ATL1: variants seen among roughly 807,000 people sequenced by gnomAD.
ATL1 encodes the protein atlastin GTPase 1.
Under a neutral mutation model 75.5 loss-of-function variants are expected in ATL1, and 31 were observed. The ratio of observed to expected loss-of-function variants is 0.41; its 90% CI spans 0.31 to 0.55. ATL1 has a LOEUF of 0.55. ATL1 is among the 20% of genes least tolerant of loss of function. The probability of loss-of-function intolerance (pLI) is 0.27; values close to 1 mark genes in which losing one functional copy is unlikely to be tolerated. For synonymous variants in ATL1, 226 were observed against 233.3 expected (o/e 0.97, Z 0.28); for missense variants, 405 against 662.6 (o/e 0.61, Z 4.27).
chr14:50,617,400 T>G (rs1278849938), intron 8 of ATL1, among the ~76,000 whole-genome samples: 1 of 152,180 alleles, frequency 6.6e-6, no homozygotes, highest in African/African-American at 2.4e-5. Flanking sequence ...TTGCTCTGCG[T>G]TATAGTACCA....
At chr14:50,609,679 A>G (rs941182192) in intron 6 of ATL1, among the ~76,000 whole-genome samples, 4 of 151,978 alleles carry the variant, frequency 2.6e-5, no homozygotes, top group African/African-American at 9.7e-5. Context: ...ACCACACACA[A>G]TTTTATTCTA....
At chr14:50,556,498 G>A (rs7142573), upstream of ATL1, among the ~76,000 whole-genome samples, 144,247 of 152,206 alleles carry the variant, frequency 0.95, 68,793 homozygotes, top group East Asian at 1. Context: ...GATTACAGGC[G>A]TGAGCCACTG....
Position 50,604,744 on chromosome 14 carries a change from G to A in ATL1, c.631-8515G>A, listed in dbSNP as rs534875400. On this transcript the variant is annotated intron_variant, in intron 6 of 13. Coordinates refer to ENST00000358385, the MANE Select transcript of ATL1 (RefSeq NM_015915.5). Reference sequence around the variant, plus strand: ...CAATTATGAAATTCTCCTTCAATGGGTAAGGGTATAGAGTTGCTGCATTGA... The same window carrying A: ...CAATTATGAAATTCTCCTTCAATGGATAAGGGTATAGAGTTGCTGCATTGA... Among the ~76,000 whole-genome samples, 74 of 152,196 alleles carry A rather than the reference G, an allele frequency of 4.9e-4. 1 individual carries two copies. Among genetic ancestry groups the A allele is most frequent in the African/African-American group, 1.8e-3 (73 of 41,556 alleles).
chr14:50,542,940 G>A (rs2038584929), intron 1 of ATL1, among the ~76,000 whole-genome samples: 1 of 152,228 alleles, frequency 6.6e-6, no homozygotes, highest in Non-Finnish European at 1.5e-5. Flanking sequence ...TAATAGGTTG[G>A]TCAATTACTT....
At chr14:50,627,223 T>C (rs2039530056) in intron 11 of ATL1, among the ~76,000 whole-genome samples, 1 of 152,254 alleles carries the variant, frequency 6.6e-6, no homozygotes, top group Non-Finnish European at 1.5e-5. Flanking sequence ...GCTCAGATGA[T>C]CCTTAGCATT....
Position 50,610,967 on chromosome 14 carries a change from C to A in ATL1, c.631-2292C>A, listed in dbSNP as rs553503152. 2.0e-5 allele frequency among the ~76,000 whole-genome samples: 3 copies of A among 152,184 alleles called. No homozygotes were observed. The East Asian group carries it at 5.8e-4, about 29-fold the overall frequency. ...CTTACATACAGGTGACAGTTCAGAC[C>A]ATCCCATCCCTCTGACCACAGTGAT... On this transcript the variant is annotated intron_variant, in intron 6 of 13. Transcript: ENST00000358385.
chr14:50,595,462 T>A, intron 5 of ATL1, 114 bp from the exon 6 acceptor site: 2 of 930,638 alleles, frequency 2.1e-6, no homozygotes, highest in Non-Finnish European at 3.4e-6. Context: ...CTGTTATACC[T>A]AGAGGGAAAA....
chr14:50,596,420 A>C (rs2039217833), intron 6 of ATL1, among the ~76,000 whole-genome samples: 1 of 152,252 alleles, frequency 6.6e-6, no homozygotes, highest in African/African-American at 2.4e-5. Flanking sequence ...AACTATTGAT[A>C]AGTCAAGTAA....
chr14:50,574,403 G>A (rs1415283769), intron 1 of ATL1, among the ~76,000 whole-genome samples: 1 of 152,220 alleles, frequency 6.6e-6, no homozygotes, highest in Non-Finnish European at 1.5e-5. Flanking sequence ...TTGTAGTGCT[G>A]TAGTTTCAGT....
intron 11 of ATL1, among the ~76,000 whole-genome samples, chr14:50,625,474 T>C (rs2039509280): frequency 6.6e-6 from 1 of 152,218 alleles, no homozygotes; most frequent in African/African-American, 2.4e-5. Flanking sequence ...TAGTCTTCTA[T>C]TGGAAGATGC....
rs759938587 is a variant in ATL1, at chr14:50,593,943, C to T, written c.573+47C>T. 2.5e-5 allele frequency: 33 copies of T among 1,325,496 alleles called. No homozygotes were observed. In the South Asian group the frequency reaches 3.9e-4, roughly 16 times the overall value. 82.1% of individuals were successfully genotyped at this position (1,325,496 alleles called of 1,614,324 possible). A position where few individuals can be genotyped will look rare whatever the true frequency, so the allele number is the denominator to read the frequency against. ...TTTGTGTATCTGGTAGTCTTTGAAA[C>T]ATGTATAGCAGAACTTTGGGGAATG... On this transcript the variant is annotated intron_variant, in intron 5 of 13. Coordinates refer to ENST00000358385, the MANE Select transcript of ATL1 (RefSeq NM_015915.5).
At chr14:50,544,864 G>A (rs2038608815) in intron 1 of ATL1, among the ~76,000 whole-genome samples, 1 of 150,128 alleles carries the variant, frequency 6.7e-6, no homozygotes, top group Non-Finnish European at 1.5e-5. Flanking sequence ...ATGAGCCTGG[G>A]AGATGGATGC....
intron 7 of ATL1, among the ~76,000 whole-genome samples, chr14:50,613,604 A>G (rs1383879995): frequency 6.6e-6 from 1 of 152,122 alleles, no homozygotes; most frequent in South Asian, 2.1e-4. Context: ...GTTTTAATAG[A>G]GGTTTCAAAG....
chr14:50,556,181 A>G (rs2038763060), upstream of ATL1, among the ~76,000 whole-genome samples: 1 of 152,190 alleles, frequency 6.6e-6, no homozygotes, highest in Non-Finnish European at 1.5e-5. Flanking sequence ...CATAATTCAC[A>G]TACCATAAAA....
intron 1 of ATL1, among the ~76,000 whole-genome samples, chr14:50,560,706 T>A (rs988633715): frequency 2.0e-5 from 3 of 152,104 alleles, no homozygotes; most frequent in African/African-American, 7.2e-5. Flanking sequence ...GTCGGGGATC[T>A]AGAGCAGGCC....
At chr14:50,569,480 A>C (rs2038935616) in intron 1 of ATL1, among the ~76,000 whole-genome samples, 1 of 152,188 alleles carries the variant, frequency 6.6e-6, no homozygotes. Context: ...GGAATTACAG[A>C]CCAAAATTAC....
Position 50,587,815 on chromosome 14 carries a change from C to A in ATL1, c.35-16C>A. ...TTGAGATGATTAGCTGAACCAGTCA[C>A]TGCTCTGTTCAACAGGTGGATTTTC... is the stretch of plus-strand genomic sequence containing the variant. On this transcript the variant is annotated splice_polypyrimidine_tract_variant and intron_variant, in intron 1 of 13. Transcript: ENST00000358385. The A allele has an allele frequency of 6.2e-7, 1 of 1,614,134 alleles. No homozygotes were observed. Among genetic ancestry groups the A allele is most frequent in the Non-Finnish European group, 8.5e-7 (1 of 1,180,036 alleles).
At chr14:50,622,731 T>C (rs936875085) in intron 10 of ATL1, among the ~76,000 whole-genome samples, 1 of 152,102 alleles carries the variant, frequency 6.6e-6, no homozygotes, top group Non-Finnish European at 1.5e-5. Flanking sequence ...CTAGTTCCCT[T>C]ATATATTTTT....
chr14:50,574,937 G>GTATATATATATATATATATA (rs71118894), intron 1 of ATL1, among the ~76,000 whole-genome samples: 2 of 23,160 alleles, frequency 8.6e-5, no homozygotes, highest in African/African-American at 3.8e-4. Context: ...GTGTGTGTGT[G>GTATATATATATATATATATA]TATATATATA....
Sources: allele counts gnomAD v4.1 joint callset (sites outside exome capture counted in the v4.1 genomes callset), GRCh38; gene constraint gnomAD v4.1.1; transcripts MANE v1.5; gene names NCBI Gene and HGNC (gene_info 2026-07-23, HGNC 2026-07-21).